The following ARHGAP24 variants were observed in gnomAD, a reference collection of about 807,000 sequenced individuals.
ARHGAP24 encodes the protein Rho GTPase activating protein 24.
A neutral mutation model predicts 76.4 loss-of-function variants in ARHGAP24; 50 were observed. The observed-to-expected ratio is 0.65, with a 90% CI of 0.52 to 0.83. The LOEUF is 0.83. ARHGAP24 is among the 40% of genes least tolerant of loss of function. The pLI is 0.00. For missense variants in ARHGAP24, 930 were observed against 914.2 expected, an observed-to-expected ratio of 1.02 and a Z score of -0.22; for synonymous variants, 345 against 323.3, an observed-to-expected ratio of 1.07 and a Z score of -0.72.
At chr4:85,671,284 C>G (rs910372724) in intron 2 of ARHGAP24, among the ~76,000 whole-genome samples, 6 of 152,082 alleles carry the variant, frequency 3.9e-5, no homozygotes, top group African/African-American at 1.2e-4. Context: ...TTTCTCTAAG[C>G]CTTTCTGCAC....
intron 3 of ARHGAP24, among the ~76,000 whole-genome samples, chr4:85,905,374 A>G (rs1387866275): frequency 3.6e-5 from 4 of 109,986 alleles, no homozygotes; most frequent in Admixed American, 1.0e-4. Context: ...ATACTTTCAG[A>G]AAAGACAGTC....
In ARHGAP24 at chr4:85,849,136, G is replaced by A. The variant is rs531185884; in HGVS notation, c.269-74512G>A. The stretch of plus-strand genomic sequence containing the variant: ...CTTTTATTTCCTTGAGCAGTGGTTT[G>A]TAGTTCTCCTTGAAGAGGTCCTTCA... On this transcript the variant is annotated intron_variant, in intron 3 of 9. Coordinates refer to ENST00000395184, the MANE Select transcript of ARHGAP24 (RefSeq NM_001025616.3). 2.6e-3 allele frequency among the ~76,000 whole-genome samples: 384 copies of A among 145,668 alleles called. 3 individuals are homozygous for A. Among genetic ancestry groups the A allele is most frequent in the African/African-American group, 7.8e-3 (313 of 40,158 alleles).
chr4:85,557,640 G>C (rs1726438564), intron 1 of ARHGAP24, among the ~76,000 whole-genome samples: 1 of 138,880 alleles, frequency 7.2e-6, no homozygotes, highest in African/African-American at 2.6e-5. Context: ...GGATGTTCCG[G>C]TTGAAGAGCT....
chr4:85,593,511 C>G (rs2109982677), intron 2 of ARHGAP24, among the ~76,000 whole-genome samples: 1 of 152,164 alleles, frequency 6.6e-6, no homozygotes, highest in Non-Finnish European at 1.5e-5. Flanking sequence ...TTGTGGGATA[C>G]TACTCAAGAA....
In ARHGAP24 at chr4:85,983,374, T is replaced by A. The variant is rs374003099; in HGVS notation, c.928+5683T>A. 5.2e-3 allele frequency among the ~76,000 whole-genome samples: 790 copies of A among 152,334 alleles called. 2 individuals carry two copies. The highest frequency in any genetic ancestry group is 5.2e-3 in the Non-Finnish European group (353 of 68,030). On this transcript the variant is annotated intron_variant, in intron 8 of 9. Coordinates refer to ENST00000395184, the MANE Select transcript of ARHGAP24 (RefSeq NM_001025616.3). ...ACACTGTCTTCCACAATGGTTGAACTAATTTACATTCCCACCAATAGCATA... is the reference window on the plus strand; with the variant it reads ...ACACTGTCTTCCACAATGGTTGAACAAATTTACATTCCCACCAATAGCATA...
intron 3 of ARHGAP24, among the ~76,000 whole-genome samples, chr4:85,920,386 G>C (rs770294211): frequency 8.6e-5 from 13 of 151,994 alleles, no homozygotes; most frequent in Non-Finnish European, 1.5e-4. Context: ...AACTCCAGAT[G>C]GATTAAAGAC....
chr4:85,989,630 A>G (rs1326217624), intron 8 of ARHGAP24, among the ~76,000 whole-genome samples: 1 of 151,700 alleles, frequency 6.6e-6, no homozygotes, highest in Non-Finnish European at 1.5e-5. Context: ...AGACATATAA[A>G]TCCTAAACAA....
At position 85,821,765 on chromosome 4, in the gene ARHGAP24, C is replaced by T. The variant is rs140310822; in HGVS notation, c.268+99793C>T. On this transcript the variant is annotated intron_variant, in intron 3 of 9. Transcript: ENST00000395184. Reference sequence around the variant, plus strand: ...ACCAAGATGAGATTTAGAATAATATCAGATCATTACATAAAAATATAATTT... The same window carrying T: ...ACCAAGATGAGATTTAGAATAATATTAGATCATTACATAAAAATATAATTT... Among the ~76,000 whole-genome samples, 1,440 of 152,158 alleles carry T rather than the reference C, an allele frequency of 9.5e-3. 27 individuals are homozygous for T. Among genetic ancestry groups the T allele is most frequent in the African/African-American group, 0.033 (1,349 of 41,498 alleles).
chr4:85,599,799 A>G (rs908562836), intron 2 of ARHGAP24, among the ~76,000 whole-genome samples: 2 of 152,170 alleles, frequency 1.3e-5, no homozygotes, highest in African/African-American at 4.8e-5. Flanking sequence ...TGCAGAAATT[A>G]TAGATGTTTT....
chr4:85,906,011 A>G lies in ARHGAP24; in HGVS notation c.269-17637A>G, dbSNP rs112555729. 2.4e-3 allele frequency among the ~76,000 whole-genome samples: 362 copies of G among 152,324 alleles called. 2 individuals are homozygous for G. The highest frequency in any genetic ancestry group is 8.4e-3 in the African/African-American group (349 of 41,582). On this transcript the variant is annotated intron_variant, in intron 3 of 9. Coordinates refer to ENST00000395184, the MANE Select transcript of ARHGAP24 (RefSeq NM_001025616.3). ...GGCACCAAGGTCACTGCTAAGCTGTATTTAACCTGGAGCTAGAGGCTAAAG... is the reference window on the plus strand; with the variant it reads ...GGCACCAAGGTCACTGCTAAGCTGTGTTTAACCTGGAGCTAGAGGCTAAAG...
intron 3 of ARHGAP24, among the ~76,000 whole-genome samples, chr4:85,848,986 A>G (rs1034194845): frequency 2.6e-5 from 4 of 151,638 alleles, no homozygotes; most frequent in Admixed American, 1.3e-4. Context: ...CTGTGAAGAA[A>G]GTCATTGGTA....
intron 3 of ARHGAP24, among the ~76,000 whole-genome samples, chr4:85,821,994 G>T (rs1729493535): frequency 6.6e-6 from 1 of 152,018 alleles, no homozygotes; most frequent in African/African-American, 2.4e-5. Flanking sequence ...TTATATTTTT[G>T]AGCTCTAGCT....
chr4:85,649,960 A>C (rs1043527990), intron 2 of ARHGAP24, among the ~76,000 whole-genome samples: 1 of 152,124 alleles, frequency 6.6e-6, no homozygotes, highest in African/African-American at 2.4e-5. Flanking sequence ...AGGTAGTCAT[A>C]AGGTCATACG....
In ARHGAP24 at chr4:85,981,708, C is replaced by G. The variant is rs76382370; in HGVS notation, c.928+4017C>G. The stretch of plus-strand genomic sequence containing the variant: ...TCTCCTAGTCCTTCCCAATTTTCAC[C>G]TCTCTCTTAGCAGTATCCCCTCCAT... On this transcript the variant is annotated intron_variant, in intron 8 of 9. Coordinates refer to ENST00000395184, the MANE Select transcript of ARHGAP24 (RefSeq NM_001025616.3). Among the ~76,000 whole-genome samples, 14 of 152,110 alleles carry G rather than the reference C, an allele frequency of 9.2e-5. No individual in the cohort carries two copies. The East Asian group carries it at 2.7e-3, about 29-fold the overall frequency.
At chr4:85,677,194 G>C (rs984546584) in intron 2 of ARHGAP24, among the ~76,000 whole-genome samples, 2 of 152,166 alleles carry the variant, frequency 1.3e-5, no homozygotes, top group African/African-American at 4.8e-5. Context: ...CTTTTGCTTT[G>C]CTCTTCTCTC....
intron 2 of ARHGAP24, among the ~76,000 whole-genome samples, chr4:85,683,125 G>GGGGGT (rs1553922590): frequency 9.3e-6 from 1 of 107,658 alleles, no homozygotes; most frequent in Non-Finnish European, 1.9e-5. Flanking sequence ...GGTGGGGGGG[G>GGGGGT]GGTGCGGGGG....
chr4:85,867,393 G>T (rs1250138022), intron 3 of ARHGAP24, among the ~76,000 whole-genome samples: 1 of 152,124 alleles, frequency 6.6e-6, no homozygotes, highest in African/African-American at 2.4e-5. Context: ...GAGAACATCA[G>T]ATTTATTCTC....
intron 2 of ARHGAP24, among the ~76,000 whole-genome samples, chr4:85,712,214 C>T (rs1433958678): frequency 2.6e-5 from 4 of 152,126 alleles, no homozygotes; most frequent in East Asian, 1.9e-4. Flanking sequence ...ACTGGTTTAA[C>T]GGTTTCCTCC....
chr4:85,515,333 A>G (rs573427453), intron 1 of ARHGAP24, among the ~76,000 whole-genome samples: 5 of 151,222 alleles, frequency 3.3e-5, no homozygotes, highest in East Asian at 3.9e-4. Flanking sequence ...CCTTCTATCT[A>G]TAACTTCTTC....
Sources: allele counts gnomAD v4.1 joint callset (sites outside exome capture counted in the v4.1 genomes callset), GRCh38; gene constraint gnomAD v4.1.1; transcripts MANE v1.5; gene names NCBI Gene and HGNC (gene_info 2026-07-23, HGNC 2026-07-21).